The following FAM13A variants were observed in gnomAD, a reference collection of about 807,000 sequenced individuals.
The protein encoded by FAM13A is protein FAM13A.
In FAM13A, 76 loss-of-function variants were observed where a neutral mutation model predicts 129.6. That is an observed-to-expected ratio of 0.59 (90% CI 0.49 to 0.71). The LOEUF (loss-of-function observed/expected upper bound fraction) is 0.71. Ranked by LOEUF, FAM13A falls within the 30% of genes least tolerant of loss-of-function variation. The pLI is 0.00. For synonymous variants in FAM13A, 443 were observed against 449.9 expected (o/e 0.98, Z 0.20); for missense variants, 1,108 against 1,249.3 (o/e 0.89, Z 1.70).
At chr4:89,056,522 G>A (rs367708060) in intron 1 of FAM13A, among the ~76,000 whole-genome samples, 1 of 152,042 alleles carries the variant, frequency 6.6e-6, no homozygotes, top group South Asian at 2.1e-4. Context: ...ATATAAAACA[G>A]AAAAATGTCA....
At chr4:88,771,254 T>G (rs972404095) in intron 11 of FAM13A, among the ~76,000 whole-genome samples, 1 of 151,548 alleles carries the variant, frequency 6.6e-6, no homozygotes, top group Non-Finnish European at 1.5e-5. Flanking sequence ...TTGTAAATTC[T>G]AATTTGTATT....
At chr4:88,838,632 C>G (rs1240701446) in intron 7 of FAM13A, among the ~76,000 whole-genome samples, 1 of 151,744 alleles carries the variant, frequency 6.6e-6, no homozygotes, top group African/African-American at 2.4e-5. Flanking sequence ...GAGGCTGAGG[C>G]AGGAGAATGG....
At chr4:88,819,038 T>G (rs578028874) in intron 7 of FAM13A, among the ~76,000 whole-genome samples, 2 of 152,194 alleles carry the variant, frequency 1.3e-5, no homozygotes, top group Non-Finnish European at 2.9e-5. Context: ...TTTTAGATAT[T>G]GGGTCACTAA....
chr4:88,727,271 T>TA lies in FAM13A; in HGVS notation c.*1261dup, dbSNP rs1325455145. ...AACCCACTGTCCTTGGCGCAGGAGT[T>TA]AAAAAAGTAACAGCAAATCATGAGG... is the stretch of plus-strand genomic sequence containing the variant. On this transcript the variant is annotated 3_prime_UTR_variant, in exon 24 of 24. Transcript: ENST00000264344. 1 of 152,566 alleles carries TA rather than the reference T, an allele frequency of 6.6e-6. No individual in the cohort carries two copies. The highest frequency in any genetic ancestry group is 6.5e-5 in the Admixed American group (1 of 15,274). 9.5% of individuals were successfully genotyped at this position (152,566 alleles called of 1,614,324 possible).
intron 7 of FAM13A, among the ~76,000 whole-genome samples, chr4:88,819,777 G>A (rs997364276): frequency 6.6e-6 from 1 of 152,070 alleles, no homozygotes; most frequent in African/African-American, 2.4e-5. Flanking sequence ...ACACTATGTT[G>A]AGTTTCATTA....
At chr4:88,826,700 C>T (rs1733049135) in intron 7 of FAM13A, among the ~76,000 whole-genome samples, 1 of 152,132 alleles carries the variant, frequency 6.6e-6, no homozygotes, top group African/African-American at 2.4e-5. Context: ...TTCTCTGCTC[C>T]ACCTACCACT....
intron 19 of FAM13A, among the ~76,000 whole-genome samples, chr4:88,741,796 A>G (rs1368206046): frequency 6.6e-6 from 1 of 152,194 alleles, no homozygotes; most frequent in Non-Finnish European, 1.5e-5. Flanking sequence ...AAAATCTGAA[A>G]AAATCCAAAA....
intron 8 of FAM13A, among the ~76,000 whole-genome samples, chr4:88,797,795 G>C (rs1421248944): frequency 1.3e-5 from 2 of 151,982 alleles, no homozygotes; most frequent in African/African-American, 4.8e-5. Context: ...TGCTTTAATG[G>C]CTTCCTACTG....
intron 7 of FAM13A, among the ~76,000 whole-genome samples, chr4:88,845,514 A>G (rs1307702013): frequency 6.6e-6 from 1 of 152,184 alleles, no homozygotes; most frequent in Non-Finnish European, 1.5e-5. Context: ...GAGGGAAGGA[A>G]CATCGCAGCA....
chr4:88,926,473 A>G lies in FAM13A; in HGVS notation c.759+11615T>C, dbSNP rs947885350. 2.0e-5 allele frequency among the ~76,000 whole-genome samples: 3 copies of G among 152,190 alleles called. No homozygotes were observed. The South Asian group carries it at 6.2e-4, about 32-fold the overall frequency. On this transcript the variant is annotated intron_variant, in intron 5 of 23. Transcript: ENST00000264344. ...AACAGTTCCAAAGTTTTGCCATCTC[A>G]CTGGAAACAGTTTAAAGGATACATA...
rs186021457 is a variant in FAM13A at position 88,780,475 on chromosome 4, A to G, written c.1458+690T>C. ...GTTTGTTGTTTTCTTTTTTAACTAA[A>G]GGGACAGACTTTGTGGCTTATTTTT... On this transcript the variant is annotated intron_variant, in intron 11 of 23. Coordinates refer to ENST00000264344, the MANE Select transcript of FAM13A (RefSeq NM_014883.4). Among the ~76,000 whole-genome samples, 165 of 152,264 alleles carry G rather than the reference A, an allele frequency of 1.1e-3. 1 individual carries two copies. The highest frequency in any genetic ancestry group is 4.1e-4 in the Non-Finnish European group (28 of 68,004).
chr4:88,822,832 G>C, intron 7 of FAM13A: 1 of 1,136,230 alleles, frequency 8.8e-7, no homozygotes, highest in Non-Finnish European at 1.2e-6. Flanking sequence ...AATTTTTTCT[G>C]TTCTTAGGGA....
rs768928009 is a variant in FAM13A at position 88,748,948 on chromosome 4, C to G, written c.2161+4G>C. The G allele has an allele frequency of 6.2e-7, 1 of 1,609,048 alleles. No homozygotes were observed. The highest frequency in any genetic ancestry group is 8.5e-7 in the Non-Finnish European group (1 of 1,175,506). On this transcript the variant is annotated splice_donor_region_variant and intron_variant, in intron 17 of 23. Transcript: ENST00000264344. Reference sequence around the variant, plus strand: ...AGAAGCCACAGCTCCAGAATTTTACCCACCTTTAAGTTGTCTCCGGAATTT... The same window carrying G: ...AGAAGCCACAGCTCCAGAATTTTACGCACCTTTAAGTTGTCTCCGGAATTT...
intron 3 of FAM13A, among the ~76,000 whole-genome samples, chr4:89,016,377 T>G (rs1413788345): frequency 6.6e-6 from 1 of 152,184 alleles, no homozygotes; most frequent in Non-Finnish European, 1.5e-5. Context: ...GTAAAAAAGT[T>G]ACAGTAAGCT....
intron 5 of FAM13A, among the ~76,000 whole-genome samples, chr4:88,918,311 C>T (rs1750429982): frequency 6.6e-6 from 1 of 152,214 alleles, no homozygotes; most frequent in Admixed American, 6.5e-5. Flanking sequence ...CGGTTTTCTT[C>T]TAAGTGCTTA....
At chr4:89,020,786 T>G in intron 2 of FAM13A, 117 bp from the exon 3 acceptor site, 1 of 674,598 alleles carries the variant, frequency 1.5e-6, no homozygotes, top group Non-Finnish European at 2.6e-6. Context: ...ACACTGTAAT[T>G]ATCAATCATT....
intron 5 of FAM13A, among the ~76,000 whole-genome samples, chr4:88,927,542 T>C (rs1418800911): frequency 1.3e-5 from 2 of 151,810 alleles, no homozygotes; most frequent in Non-Finnish European, 2.9e-5. Flanking sequence ...TTTCTACTTA[T>C]TGTTGGTCTG....
chr4:88,774,061 C>T (rs1721212601), intron 11 of FAM13A, among the ~76,000 whole-genome samples: 1 of 152,144 alleles, frequency 6.6e-6, no homozygotes, highest in Non-Finnish European at 1.5e-5. Context: ...CTAACCATGG[C>T]CACCTCTTGC....
intron 1 of FAM13A, among the ~76,000 whole-genome samples, chr4:89,056,594 G>C (rs1029722934): frequency 1.3e-5 from 2 of 152,128 alleles, no homozygotes; most frequent in African/African-American, 4.8e-5. Flanking sequence ...CTAGCCACAA[G>C]ATTTCTCTAA....
Sources: gnomAD v4.1 joint callset for allele counts (sites outside exome capture counted in the v4.1 genomes callset) on GRCh38, gnomAD v4.1.1 for gene constraint, MANE v1.5 for transcripts, NCBI Gene and HGNC (gene_info 2026-07-23, HGNC 2026-07-21) for gene names.